CRAMP1: variants seen among roughly 807,000 people sequenced by gnomAD.
CRAMP1 encodes cramped chromatin regulator 1.
CRAMP1 carries 50 observed loss-of-function variants against 115.4 expected under a neutral mutation model. The observed-to-expected ratio is 0.43, with a 90% CI of 0.35 to 0.55. The LOEUF is 0.55. Among genes scored for constraint, CRAMP1 ranks in the 20% least tolerant of loss-of-function variants. CRAMP1 has a pLI of 0.01. For missense variants in CRAMP1, 1,679 were observed against 1,721.7 expected, an observed-to-expected ratio of 0.98 and a Z score of 0.44; for synonymous variants, 866 against 745.4, an observed-to-expected ratio of 1.16 and a Z score of -2.64.
Position 1,614,586 on chromosome 16 carries a change from A to T in CRAMP1, c.-1-53A>T. 8.7e-7 allele frequency: 1 copy of T among 1,149,082 alleles called. No homozygotes were observed. The highest frequency in any genetic ancestry group is 4.3e-5 in the South Asian group (1 of 23,280). The allele number at this position is 1,149,082 out of a possible 1,614,324, so 71.2% of individuals were successfully genotyped here. A position where few individuals can be genotyped will look rare whatever the true frequency, so the allele number is the denominator to read the frequency against. On this transcript the variant is annotated intron_variant, in intron 1 of 20. Coordinates refer to ENST00000397412, the MANE Select transcript of CRAMP1 (RefSeq NM_020825.4). This position sits in a 1 kb window ranked among gnomAD's most constrained non-coding sequence, Gnocchi z 4.4. ...TGTTGAGAGCGCGTCGGGGCCGCTA[A>T]ACTTCCCGGCCTGCGCCCGCCTCAC...
chr16:1,667,554 G>C, intron 17 of CRAMP1, 154 bp downstream of exon 17: 1 of 664,088 alleles, frequency 1.5e-6, no homozygotes, highest in Admixed American at 2.3e-5. Context: ...CGACTGCCCA[G>C]GGTGGATAAA....
In CRAMP1 at chr16:1,675,382, C is replaced by G. The variant is rs1320470025; in HGVS notation, c.*1337C>G. On this transcript the variant is annotated 3_prime_UTR_variant, in exon 21 of 21. Coordinates refer to ENST00000397412, the MANE Select transcript of CRAMP1 (RefSeq NM_020825.4). ...TGCCGCCATCTCTCCCTTCCTGCCTCATTTCATCCCCCGCAGCAGCCGGGA... is the reference window on the plus strand; with the variant it reads ...TGCCGCCATCTCTCCCTTCCTGCCTGATTTCATCCCCCGCAGCAGCCGGGA... The G allele has an allele frequency of 6.6e-6, 1 of 152,570 alleles. No individual in the cohort carries two copies. The highest frequency in any genetic ancestry group is 1.9e-4 in the East Asian group (1 of 5,210). The allele number at this position is 152,570 out of a possible 1,614,324, so 9.5% of individuals were successfully genotyped here.
At chr16:1,648,010 C>T (rs975558428) in intron 6 of CRAMP1, among the ~76,000 whole-genome samples, 2 of 151,922 alleles carry the variant, frequency 1.3e-5, no homozygotes, top group Non-Finnish European at 2.9e-5. Context: ...TGTTCAGTGT[C>T]GCAGCCTCAA....
chr16:1,642,999 TC>T (rs1198062427), intron 6 of CRAMP1, among the ~76,000 whole-genome samples: 1 of 152,114 alleles, frequency 6.6e-6, no homozygotes, highest in Non-Finnish European at 1.5e-5. Flanking sequence ...CACAGGGAGT[TC>T]CCAGGGACTG....
At position 1,656,611 on chromosome 16, in the gene CRAMP1, G is replaced by T; in HGVS notation, c.1854G>T (p.Arg618Ser). 1.9e-6 allele frequency: 3 copies of T among 1,573,922 alleles called. No individual in the cohort carries two copies. Among genetic ancestry groups the T allele is most frequent in the Non-Finnish European group, 2.6e-6 (3 of 1,160,662 alleles). ...ADLAPTGPSP[R>S]PGPGLLLDVC... ...TTGCTCCCACTGGCCCATCCCCGAG[G>T]CCCGGCCCCGGGCTCCTGCTGGATG... The change falls in exon 10 of 21, where the codon AGG (arginine) becomes AGT (serine). Residue 618 changes from arginine (R) to serine (S), a missense_variant. Around this residue, in one of 8 missense-constraint regions of CRAMP1, gnomAD observed 405 missense variants for 302.6 expected, o/e 1.34. Coordinates refer to ENST00000397412, the MANE Select transcript of CRAMP1 (RefSeq NM_020825.4). The surrounding 1 kb of genome is among the most constrained non-coding windows in gnomAD (Gnocchi z 5.6).
chr16:1,653,033 G>T lies in CRAMP1; in HGVS notation c.914G>T (p.Gly305Val), dbSNP rs1322659388. 2 of 1,613,446 alleles carry T rather than the reference G, an allele frequency of 1.2e-6. No individual in the cohort carries two copies. The highest frequency in any genetic ancestry group is 1.7e-6 in the Non-Finnish European group (2 of 1,179,694). The change falls in exon 8 of 21, where the codon GGC (glycine) becomes GTC (valine). Residue 305 changes from glycine to valine, a missense_variant and splice_region_variant. By Grantham distance (109) the Gly-to-Val change is moderately radical (BLOSUM62 -3). This residue lies in a region of CRAMP1 where 191 missense variants were observed against 236.2 expected (regional missense o/e 0.81). Coordinates refer to ENST00000397412, the MANE Select transcript of CRAMP1 (RefSeq NM_020825.4). ...RALKKLCDPDGLSDEEDQKPV... is the reference protein window; with the variant it reads ...RALKKLCDPDVLSDEEDQKPV... The stretch of plus-strand genomic sequence containing the variant: ...CTTTCATGGTTCTTCTGCATTGCAG[G>T]CTTGAGTGATGAAGAGGACCAGAAG...
At chr16:1,673,808 T>C in intron 20 of CRAMP1, 73 bp from the exon 21 acceptor site, 1 of 1,459,140 alleles carries the variant, frequency 6.9e-7, no homozygotes, top group Non-Finnish European at 9.5e-7. Context: ...TCTCGTCCTG[T>C]TTCAGGACCC....
intron 6 of CRAMP1, among the ~76,000 whole-genome samples, chr16:1,650,447 A>C (rs553081115): frequency 1.3e-5 from 2 of 152,254 alleles, no homozygotes; most frequent in Admixed American, 1.3e-4. Flanking sequence ...TTTAAAAACT[A>C]TACAAGTAAT....
chr16:1,613,747 C>T (rs1017860050), intron 1 of CRAMP1, among the ~76,000 whole-genome samples: 2 of 152,132 alleles, frequency 1.3e-5, no homozygotes, highest in South Asian at 2.1e-4. Context: ...TGTCTTCTAC[C>T]GCTTCTTGCA....
At chr16:1,653,741 A>C (rs1481411602) in intron 8 of CRAMP1, among the ~76,000 whole-genome samples, 1 of 151,534 alleles carries the variant, frequency 6.6e-6, no homozygotes, top group African/African-American at 2.4e-5. Context: ...GAATGACGTG[A>C]ACCCGGGAGG....
intron 6 of CRAMP1, among the ~76,000 whole-genome samples, chr16:1,646,442 C>T (rs991352348): frequency 1.2e-4 from 18 of 152,272 alleles, no homozygotes; most frequent in Admixed American, 4.6e-4. Flanking sequence ...GGTTTTGATG[C>T]GTTTCCCTGA....
At chr16:1,667,305 C>T (rs576629153) in intron 16 of CRAMP1, 30 bp from the exon 17 acceptor site, 26 of 1,601,670 alleles carry the variant, frequency 1.6e-5, no homozygotes, top group Middle Eastern at 1.7e-4. Context: ...GTGCACCCTG[C>T]GGCTGCTCAT....
chr16:1,632,092 G>A (rs1168958023), intron 3 of CRAMP1, 120 bp from the exon 4 acceptor site: 3 of 1,074,394 alleles, frequency 2.8e-6, no homozygotes, highest in Non-Finnish European at 3.9e-6. Flanking sequence ...TGGAAGGGCT[G>A]CTTGTTTGAC....
intron 6 of CRAMP1, among the ~76,000 whole-genome samples, chr16:1,645,722 A>G (rs1292135571): frequency 1.3e-5 from 2 of 151,802 alleles, no homozygotes; most frequent in Non-Finnish European, 2.9e-5. Context: ...CACTCTCTCT[A>G]GCTTCACCCC....
chr16:1,614,980 G>A lies in CRAMP1; in HGVS notation c.341G>A (p.Gly114Glu), dbSNP rs1273580901. The A allele has an allele frequency of 3.1e-5, 39 of 1,252,810 alleles. No homozygotes were observed. Among genetic ancestry groups the A allele is most frequent in the Non-Finnish European group, 3.9e-5 (39 of 998,124 alleles). The allele number at this position is 1,252,810 out of a possible 1,614,324, so 77.6% of individuals were successfully genotyped here. A position where few individuals can be genotyped will look rare whatever the true frequency, so the allele number is the denominator to read the frequency against. ...SGNAGGSGPR[G>E]KGAEGGGSSS... ...AACGCCGGTGGCTCGGGGCCCCGCG[G>A]AAAAGGTAGGGCGGCCCGTCCCCTT... Residue 114 changes from glycine to glutamate, a missense_variant, in exon 2 of 21, where the codon GGA becomes GAA. Around this residue, in one of 8 missense-constraint regions of CRAMP1, gnomAD observed 264 missense variants for 229.7 expected, o/e 1.15. Coordinates refer to ENST00000397412, the MANE Select transcript of CRAMP1 (RefSeq NM_020825.4). The surrounding 1 kb of genome is among the most constrained non-coding windows in gnomAD (Gnocchi z 4.4).
At chr16:1,664,836 T>A (rs947955676) in intron 13 of CRAMP1, among the ~76,000 whole-genome samples, 1 of 150,050 alleles carries the variant, frequency 6.7e-6, no homozygotes, top group Non-Finnish European at 1.5e-5. Flanking sequence ...CTGGGGAGGG[T>A]TTGATTACCT....
intron 9 of CRAMP1, 99 bp from the exon 10 acceptor site, chr16:1,655,777 GA>G (rs2036765954): frequency 1.5e-6 from 2 of 1,325,100 alleles, no homozygotes; most frequent in Non-Finnish European, 2.1e-6. Context: ...TACCCTGGGG[GA>G]TGCCAGTGGG....
At chr16:1,620,713 C>T (rs1262725149) in intron 2 of CRAMP1, 3 of 455,936 alleles carry the variant, frequency 6.6e-6, no homozygotes, top group East Asian at 1.4e-4. Context: ...AACTTCTCAC[C>T]TTTCCCAGGC....
At position 1,635,934 on chromosome 16, in the gene CRAMP1, G is replaced by A. The variant is rs536652859; in HGVS notation, c.695-1890G>A. On this transcript the variant is annotated intron_variant, in intron 4 of 20. Transcript: ENST00000397412. ...CTGTGCCTGGTTTCCTTCACTCAGC[G>A]TCAGGTTTCAGGGTTTGTCTGTGTT... 1.1e-4 allele frequency among the ~76,000 whole-genome samples: 16 copies of A among 152,264 alleles called. No homozygotes were observed. The East Asian group carries it at 2.5e-3, about 24-fold the overall frequency.
Sources: gnomAD v4.1 joint callset for allele counts (sites outside exome capture counted in the v4.1 genomes callset) on GRCh38, gnomAD v4.1.1 for gene constraint, gnomAD v4.1.1 regional missense constraint, Gnocchi (gnomAD v3.1) non-coding constraint, MANE v1.5 for transcripts, NCBI Gene and HGNC (gene_info 2026-07-23, HGNC 2026-07-21) for gene names.